Variants in ATP8A2 observed in about 807,000 individuals in gnomAD.
The protein encoded by ATP8A2 is phospholipid-transporting ATPase IB.
Under a neutral mutation model 165.6 loss-of-function variants are expected in ATP8A2, and 100 were observed. The ratio of observed to expected loss-of-function variants is 0.60; its 90% confidence interval spans 0.51 to 0.71. The LOEUF (loss-of-function observed/expected upper bound fraction) is 0.71. Ranked by LOEUF, ATP8A2 falls within the 30% of genes least tolerant of loss-of-function variation. ATP8A2 has a pLI of 0.00. For synonymous variants in ATP8A2, 543 were observed against 548.8 expected (o/e 0.99, Z 0.15); for missense variants, 1,227 against 1,479.5 (o/e 0.83, Z 2.80).
intron 27 of ATP8A2, among the ~76,000 whole-genome samples, chr13:25,804,265 G>A (rs1487265277): frequency 6.6e-6 from 1 of 152,160 alleles, no homozygotes; most frequent in African/African-American, 2.4e-5. Flanking sequence ...ATTCTTGGCT[G>A]TGAAGGAGTG....
intron 33 of ATP8A2, among the ~76,000 whole-genome samples, chr13:25,935,312 C>G (rs975475163): frequency 6.6e-6 from 1 of 152,178 alleles, no homozygotes; most frequent in Non-Finnish European, 1.5e-5. Context: ...AGCAAATAAA[C>G]TCTCCACCAT....
chr13:25,717,431 A>AAAAAAAC (rs1191399700), intron 25 of ATP8A2, among the ~76,000 whole-genome samples: 3 of 151,496 alleles, frequency 2.0e-5, no homozygotes, highest in East Asian at 1.9e-4. Context: ...AAAAAAAAAA[A>AAAAAAAC]AAAAACACCA....
chr13:25,943,831 G>A (rs1251550983), intron 33 of ATP8A2, among the ~76,000 whole-genome samples: 2 of 152,192 alleles, frequency 1.3e-5, no homozygotes, highest in African/African-American at 4.8e-5. Context: ...GCTGCATGTT[G>A]CTTATTAACT....
intron 35 of ATP8A2, among the ~76,000 whole-genome samples, chr13:26,003,156 G>A (rs981920650): frequency 1.3e-5 from 2 of 150,850 alleles, no homozygotes; most frequent in African/African-American, 4.9e-5. Context: ...AGTGTACAGG[G>A]GTTCCTTTTT....
chr13:25,854,247 G>A (rs182838507), intron 30 of ATP8A2, among the ~76,000 whole-genome samples: 11 of 152,200 alleles, frequency 7.2e-5, no homozygotes, highest in African/African-American at 1.7e-4. Flanking sequence ...CCCAAACACC[G>A]CTGTTTATCT....
At chr13:25,378,935 A>G (rs142725397) in intron 1 of ATP8A2, among the ~76,000 whole-genome samples, 109 of 152,344 alleles carry the variant, frequency 7.2e-4, no homozygotes, top group African/African-American at 2.5e-3. Flanking sequence ...TCCTCACACC[A>G]TCCCTCTGAG....
At chr13:25,770,849 C>A (rs1193578383) in intron 26 of ATP8A2, among the ~76,000 whole-genome samples, 1 of 152,172 alleles carries the variant, frequency 6.6e-6, no homozygotes, top group Non-Finnish European at 1.5e-5. Context: ...AATGTGTTCA[C>A]CTTAATCACA....
At chr13:25,986,208 T>C (rs1305791649) in intron 35 of ATP8A2, among the ~76,000 whole-genome samples, 2 of 152,184 alleles carry the variant, frequency 1.3e-5, no homozygotes, top group Non-Finnish European at 2.9e-5. Context: ...ACAGTTACCC[T>C]TGTGTGTGTG....
At chr13:26,010,677 C>T (rs1034443782) in intron 35 of ATP8A2, among the ~76,000 whole-genome samples, 2 of 152,178 alleles carry the variant, frequency 1.3e-5, no homozygotes, top group Admixed American at 1.3e-4. Context: ...CGGGCTCACT[C>T]CTCCTGTGTT....
intron 24 of ATP8A2, among the ~76,000 whole-genome samples, chr13:25,600,175 A>G (rs2040344467): frequency 6.6e-6 from 1 of 152,226 alleles, no homozygotes; most frequent in African/African-American, 2.4e-5. Context: ...TCCTGCAAAT[A>G]AAGTTTCATT....
intron 1 of ATP8A2, among the ~76,000 whole-genome samples, chr13:25,413,278 G>GTTTTTTTTTTTTTTTT (rs1195456593): frequency 3.8e-5 from 4 of 105,262 alleles, no homozygotes; most frequent in Non-Finnish European, 7.5e-5. Flanking sequence ...CTTTTTCTTT[G>GTTTTTTTTTTTTTTTT]TTTTTTTTTT....
At chr13:25,989,205 A>G (rs1185774128) in intron 35 of ATP8A2, among the ~76,000 whole-genome samples, 2 of 152,020 alleles carry the variant, frequency 1.3e-5, no homozygotes, top group Non-Finnish European at 1.5e-5. Flanking sequence ...GTAAAGTTGG[A>G]TGTTTATTGT....
chr13:25,981,717 C>T (rs1265759824), intron 35 of ATP8A2, among the ~76,000 whole-genome samples: 1 of 152,022 alleles, frequency 6.6e-6, no homozygotes, highest in African/African-American at 2.4e-5. Context: ...GAATAGTAAA[C>T]AGCACTGTAA....
rs1442729677 is a variant in ATP8A2, at chr13:25,758,376, G to A, written c.2385-10670G>A. Among the ~76,000 whole-genome samples, 3 of 152,264 alleles carry A rather than the reference G, an allele frequency of 2.0e-5. No homozygotes were observed. In the South Asian group the frequency reaches 6.2e-4, roughly 32 times the overall value. ...TATGATGCTAAAGGTCTAAAGAGGA[G>A]TAAAACAAGTCCCTAACACCAAGTA... On this transcript the variant is annotated intron_variant, in intron 25 of 36. Coordinates refer to ENST00000381655, the MANE Select transcript of ATP8A2 (RefSeq NM_016529.6).
chr13:25,451,125 G>A (rs189662210), intron 1 of ATP8A2, among the ~76,000 whole-genome samples: 9 of 152,116 alleles, frequency 5.9e-5, no homozygotes, highest in Admixed American at 2.0e-4. Flanking sequence ...GTAGGTCACC[G>A]ATGCTCTGTT....
At chr13:25,578,932 A>G in intron 21 of ATP8A2, 33 bp downstream of exon 21, 1 of 1,365,268 alleles carries the variant, frequency 7.3e-7, no homozygotes, top group Non-Finnish European at 1.0e-6. Flanking sequence ...GTTTTTGGCC[A>G]TTGGAGCTGT....
At chr13:25,530,442 G>T in intron 3 of ATP8A2, 120 bp from the exon 4 acceptor site, 1 of 668,388 alleles carries the variant, frequency 1.5e-6, no homozygotes, top group East Asian at 2.7e-5. Context: ...AATTATTTTT[G>T]AGTAACAGAA....
chr13:25,754,553 T>C (rs2044220822), intron 25 of ATP8A2, among the ~76,000 whole-genome samples: 1 of 152,156 alleles, frequency 6.6e-6, no homozygotes, highest in Admixed American at 6.5e-5. Context: ...AGAACTCTAG[T>C]TAGAAGTTTA....
At chr13:25,392,384 T>G (rs1283285573) in intron 1 of ATP8A2, among the ~76,000 whole-genome samples, 1 of 152,218 alleles carries the variant, frequency 6.6e-6, no homozygotes, top group African/African-American at 2.4e-5. Flanking sequence ...CTTACCTATA[T>G]TGTTTTGTAA....
Sources: gnomAD v4.1 joint callset for allele counts (sites outside exome capture counted in the v4.1 genomes callset) on GRCh38, gnomAD v4.1.1 for gene constraint, MANE v1.5 for transcripts, NCBI Gene and HGNC (gene_info 2026-07-23, HGNC 2026-07-21) for gene names.